Variants in CFHR5 observed in about 807,000 individuals in gnomAD.
CFHR5 encodes complement factor H related 5.
A neutral mutation model predicts 62.9 loss-of-function variants in CFHR5; 73 were observed. The ratio of observed to expected loss-of-function variants is 1.16; its 90% CI spans 0.96 to 1.41. The LOEUF is 1.41. Among genes scored for constraint, CFHR5 ranks in the 40% most tolerant of loss-of-function variants. CFHR5 has a pLI of 0.00. For synonymous variants in CFHR5, 249 were observed against 227.2 expected, an observed-to-expected ratio of 1.10 and a Z score of -0.86; for missense variants, 779 against 679.9, an observed-to-expected ratio of 1.15 and a Z score of -1.62.
Position 197,009,017 on chromosome 1 carries a change from A to G in CFHR5, c.*334A>G. 1 of 235,866 alleles carries G rather than the reference A, an allele frequency of 4.2e-6. No individual in the cohort carries two copies. Among genetic ancestry groups the G allele is most frequent in the Non-Finnish European group, 8.5e-6 (1 of 117,730 alleles). The allele number at this position is 235,866 out of a possible 1,614,324, so 14.6% of individuals were successfully genotyped here. ...CCTCTGGTGAGGGTCTTCTCGAAGC[A>G]TCATAATATGCTGGAAGGCATCACA... On this transcript the variant is annotated 3_prime_UTR_variant, in exon 10 of 10. Coordinates refer to ENST00000256785, the MANE Select transcript of CFHR5 (RefSeq NM_030787.4).
intron 7 of CFHR5, among the ~76,000 whole-genome samples, chr1:197,001,823 G>GA (rs1422000098): frequency 6.6e-6 from 1 of 151,256 alleles, no homozygotes; most frequent in East Asian, 2.0e-4. Context: ...CACCACTCTG[G>GA]AAAAACATGA....
Position 196,996,077 on chromosome 1 carries a change from G to C in CFHR5, c.846G>C (p.Pro282=), listed in dbSNP as rs754917131. Residue 282 remains proline, a synonymous_variant, in exon 6 of 10, where the codon CCG becomes CCC. Transcript: ENST00000256785. Reference sequence around the variant, plus strand: ...AACTCGAGTACGGTTATGTTCAGCCGTCTGTCCCTCCCTATCAACATGGAG... The same window carrying C: ...AACTCGAGTACGGTTATGTTCAGCCCTCTGTCCCTCCCTATCAACATGGAG... ...IPELEYGYVQ[P]SVPPYQHGVS... 3 of 1,613,782 alleles carry C rather than the reference G, an allele frequency of 1.9e-6. No individual in the cohort carries two copies. In the South Asian group the frequency reaches 3.3e-5, roughly 18 times the overall value.
At chr1:196,983,681 A>G (rs891417891) in intron 2 of CFHR5, among the ~76,000 whole-genome samples, 6 of 152,168 alleles carry the variant, frequency 3.9e-5, no homozygotes, top group Admixed American at 2.0e-4. Context: ...TGCGAGAAAT[A>G]TTTATATGAA....
At chr1:196,981,597 A>G (rs1653542743) in intron 1 of CFHR5, among the ~76,000 whole-genome samples, 1 of 152,086 alleles carries the variant, frequency 6.6e-6, no homozygotes, top group Non-Finnish European at 1.5e-5. Context: ...ACCATAGTGC[A>G]TATGGATGTA....
intron 3 of CFHR5, among the ~76,000 whole-genome samples, chr1:196,992,499 G>A (rs1653874633): frequency 6.6e-6 from 1 of 152,132 alleles, no homozygotes; most frequent in African/African-American, 2.4e-5. Flanking sequence ...GCAATGCCCT[G>A]CTTTGCTTTG....
At chr1:196,979,256 C>CTG (rs57862148) in intron 1 of CFHR5, among the ~76,000 whole-genome samples, 4,912 of 148,404 alleles carry the variant, frequency 0.033, 137 homozygotes, top group African/African-American at 0.077. Flanking sequence ...AGGTAATTGT[C>CTG]TGTGTGTGTG....
At chr1:196,980,552 C>T (rs998706011) in intron 1 of CFHR5, among the ~76,000 whole-genome samples, 3 of 150,938 alleles carry the variant, frequency 2.0e-5, no homozygotes, top group Admixed American at 6.6e-5. Flanking sequence ...TTGACCAAAA[C>T]GTCATTATGT....
At chr1:196,996,585 A>G (rs550118880) in intron 6 of CFHR5, among the ~76,000 whole-genome samples, 4 of 152,246 alleles carry the variant, frequency 2.6e-5, no homozygotes, top group South Asian at 4.1e-4. Flanking sequence ...GGGATATTGT[A>G]TTTCTACAAA....
chr1:196,980,711 T>C (rs1208203347), intron 1 of CFHR5, among the ~76,000 whole-genome samples: 2 of 152,020 alleles, frequency 1.3e-5, no homozygotes, highest in East Asian at 3.9e-4. Flanking sequence ...AGTGGGTTGT[T>C]GTGTAACGGC....
In CFHR5 at chr1:197,008,480, C is replaced by A; in HGVS notation, c.1514-7C>A. 1 of 1,525,690 alleles carries A rather than the reference C, an allele frequency of 6.6e-7. No individual in the cohort carries two copies. The highest frequency in any genetic ancestry group is 8.9e-7 in the Non-Finnish European group (1 of 1,119,112). 94.5% of individuals were successfully genotyped at this position (1,525,690 alleles called of 1,614,324 possible). On this transcript the variant is annotated splice_region_variant and splice_polypyrimidine_tract_variant and intron_variant, in intron 9 of 9. Transcript: ENST00000256785. ...TATTTATTTTATTTTACCATTTCTT[C>A]TTTCAGATCCATGTGTGGTATCTGA...
chr1:196,992,046 A>G (rs750958922), intron 3 of CFHR5, among the ~76,000 whole-genome samples: 2 of 152,222 alleles, frequency 1.3e-5, no homozygotes, highest in Non-Finnish European at 2.9e-5. Context: ...GTCTCTGCCC[A>G]GTTCAAGCTT....
intron 3 of CFHR5, among the ~76,000 whole-genome samples, chr1:196,988,967 C>G (rs1039639348): frequency 3.3e-5 from 5 of 152,088 alleles, no homozygotes; most frequent in African/African-American, 7.2e-5. Context: ...CTTTGAACCT[C>G]TGGTAGAATT....
chr1:196,983,649 T>C (rs1475430044), intron 2 of CFHR5, among the ~76,000 whole-genome samples: 3 of 152,288 alleles, frequency 2.0e-5, no homozygotes, highest in Admixed American at 1.3e-4. Flanking sequence ...TTTCTCCTTT[T>C]GTAAGAAACA....
At chr1:196,994,755 C>T (rs1408902592) in intron 4 of CFHR5, among the ~76,000 whole-genome samples, 4 of 152,108 alleles carry the variant, frequency 2.6e-5, no homozygotes, top group African/African-American at 9.7e-5. Context: ...ATACCCAAGA[C>T]TGGGCAATTT....
Position 197,009,498 on chromosome 1 carries a change from T to C in CFHR5, c.*815T>C, listed in dbSNP as rs905052166. 1 of 152,200 alleles carries C rather than the reference T, an allele frequency of 6.6e-6. No individual in the cohort carries two copies. The highest frequency in any genetic ancestry group is 1.5e-5 in the Non-Finnish European group (1 of 68,038). The allele number at this position is 152,200 out of a possible 1,614,324, so 9.4% of individuals were successfully genotyped here. A position where few individuals can be genotyped will look rare whatever the true frequency, so the allele number is the denominator to read the frequency against. The stretch of plus-strand genomic sequence containing the variant: ...AATTAACGTTATTTAAAAGGAAATG[T>C]AGATGTTATTTTAGTCTCTATCTTC... On this transcript the variant is annotated 3_prime_UTR_variant, in exon 10 of 10. Coordinates refer to ENST00000256785, the MANE Select transcript of CFHR5 (RefSeq NM_030787.4).
intron 3 of CFHR5, among the ~76,000 whole-genome samples, chr1:196,986,640 T>G (rs1207695428): frequency 6.6e-6 from 1 of 151,864 alleles, no homozygotes; most frequent in African/African-American, 2.4e-5. Flanking sequence ...GTCCTTGTGA[T>G]AGTTTTCTCA....
At position 197,004,802 on chromosome 1, in the gene CFHR5, C is replaced by T. The variant is rs1217002239; in HGVS notation, c.1472C>T (p.Thr491Ile). The T allele has an allele frequency of 6.2e-7, 1 of 1,613,578 alleles. No individual in the cohort carries two copies. The highest frequency in any genetic ancestry group is 1.3e-5 in the African/African-American group (1 of 74,818). The change falls in exon 9 of 10, where the codon ACA becomes ATA. Residue 491 changes from threonine to isoleucine, a missense_variant. Physicochemically the swap from Thr to Ile is moderately conservative, Grantham distance 89. Coordinates refer to ENST00000256785, the MANE Select transcript of CFHR5 (RefSeq NM_030787.4). The part of the protein sequence containing the change: ...FYKLQGSVTV[T>I]CRNKQWSEPP... ...AAACTCCAGGGCTCTGTAACTGTAA[C>T]ATGCAGAAATAAACAGTGGTCAGAA...
chr1:196,979,978 T>C (rs1487514686), intron 1 of CFHR5, among the ~76,000 whole-genome samples: 1 of 152,148 alleles, frequency 6.6e-6, no homozygotes, highest in Non-Finnish European at 1.5e-5. Flanking sequence ...ATTTTTTCTT[T>C]CTATCCTTAT....
Position 196,994,099 on chromosome 1 carries a change from A to C in CFHR5, c.450A>C (p.Pro150=). ...TTTTAGAAGGAGAATGTCATGTTCC[A>C]ATTTTAGAAGCCAATGTAGATGCTC... ...CSFTKGECHV[P]ILEANVDAQP... The change falls in exon 4 of 10, where the codon CCA becomes CCC. Residue 150 remains proline, a synonymous_variant. Coordinates refer to ENST00000256785, the MANE Select transcript of CFHR5 (RefSeq NM_030787.4). 1 of 1,613,162 alleles carries C rather than the reference A, an allele frequency of 6.2e-7. No homozygotes were observed. The highest frequency in any genetic ancestry group is 8.5e-7 in the Non-Finnish European group (1 of 1,179,458).
Sources: gnomAD v4.1 joint callset for allele counts (sites outside exome capture counted in the v4.1 genomes callset) on GRCh38, gnomAD v4.1.1 for gene constraint, MANE v1.5 for transcripts, NCBI Gene and HGNC (gene_info 2026-07-23, HGNC 2026-07-21) for gene names.